PLEKHA5: variants seen among roughly 807,000 people sequenced by gnomAD.
The protein encoded by PLEKHA5 is pleckstrin homology domain containing A5.
In PLEKHA5, 55 loss-of-function variants were observed where a neutral mutation model predicts 181.9. That is an observed-to-expected ratio of 0.30 (90% confidence interval 0.24 to 0.38). PLEKHA5 has a LOEUF of 0.38. Ranked by LOEUF, PLEKHA5 falls within the 10% of genes least tolerant of loss-of-function variation. The probability of loss-of-function intolerance (pLI) is 1.00; values close to 1 mark genes in which losing one functional copy is unlikely to be tolerated. For missense variants in PLEKHA5, 1,432 were observed against 1,549.5 expected, an observed-to-expected ratio of 0.92 and a Z score of 1.27; for synonymous variants, 535 against 529.4, an observed-to-expected ratio of 1.01 and a Z score of -0.15.
At chr12:19,316,317 T>C (rs1439041381) in intron 16 of PLEKHA5, among the ~76,000 whole-genome samples, 8 of 152,086 alleles carry the variant, frequency 5.3e-5, no homozygotes, top group Non-Finnish European at 1.0e-4. Flanking sequence ...TTTATAATGC[T>C]CAACATTCAT....
chr12:19,265,419 A>G (rs1019198240), intron 7 of PLEKHA5, among the ~76,000 whole-genome samples: 3 of 152,220 alleles, frequency 2.0e-5, no homozygotes, highest in Non-Finnish European at 4.4e-5. Context: ...TGAAGGATGT[A>G]ACCAAGAAAG....
chr12:19,230,861 A>G (rs1309488285), intron 3 of PLEKHA5, among the ~76,000 whole-genome samples: 1 of 152,206 alleles, frequency 6.6e-6, no homozygotes, highest in Non-Finnish European at 1.5e-5. Flanking sequence ...CGCCGAGGCC[A>G]AGGAGGCGCT....
At chr12:19,354,215 G>A (rs1210996685) in intron 26 of PLEKHA5, among the ~76,000 whole-genome samples, 6 of 127,608 alleles carry the variant, frequency 4.7e-5, no homozygotes, top group Admixed American at 1.0e-4. Context: ...GCTGTGGCGC[G>A]ATCTCGGCTC....
chr12:19,244,122 A>C (rs564766510), intron 3 of PLEKHA5, among the ~76,000 whole-genome samples: 1 of 152,294 alleles, frequency 6.6e-6, no homozygotes, highest in African/African-American at 2.4e-5. Flanking sequence ...TTAATAACTA[A>C]ATGGCTGCTA....
intron 15 of PLEKHA5, among the ~76,000 whole-genome samples, chr12:19,300,384 T>G (rs1326093883): frequency 6.6e-6 from 1 of 152,178 alleles, no homozygotes; most frequent in African/African-American, 2.4e-5. Flanking sequence ...TATTCTAAAA[T>G]GCATAATAGT....
At chr12:19,306,490 C>G (rs765255339) in intron 15 of PLEKHA5, 5 of 699,022 alleles carry the variant, frequency 7.2e-6, no homozygotes, top group South Asian at 7.0e-5. Flanking sequence ...TCTTCCCCCT[C>G]CTTGCTGTGT....
intron 3 of PLEKHA5, among the ~76,000 whole-genome samples, chr12:19,253,481 T>C (rs573021094): frequency 1.3e-5 from 2 of 152,170 alleles, no homozygotes; most frequent in African/African-American, 4.8e-5. Flanking sequence ...TACACACATA[T>C]ACACTCTCAA....
At chr12:19,209,424 T>C (rs867076663) in intron 3 of PLEKHA5, among the ~76,000 whole-genome samples, 48 of 152,290 alleles carry the variant, frequency 3.2e-4, no homozygotes, top group Middle Eastern at 6.8e-3. Flanking sequence ...GACTGACAGT[T>C]AACAGCAGAA....
At chr12:19,161,670 C>G (rs189891840) in intron 3 of PLEKHA5, among the ~76,000 whole-genome samples, 1 of 152,160 alleles carries the variant, frequency 6.6e-6, no homozygotes, top group African/African-American at 2.4e-5. Flanking sequence ...AACCAAACGT[C>G]TATAGATTTA....
chr12:19,248,957 C>CT (rs1417188260), intron 3 of PLEKHA5, among the ~76,000 whole-genome samples: 39 of 152,110 alleles, frequency 2.6e-4, no homozygotes, highest in African/African-American at 8.9e-4. Context: ...TTTTCTACAG[C>CT]TTCTATTATA....
chr12:19,348,214 G>C (rs2094433381), intron 24 of PLEKHA5, among the ~76,000 whole-genome samples, 185 bp from the exon 25 acceptor site: 1 of 152,114 alleles, frequency 6.6e-6, no homozygotes, highest in African/African-American at 2.4e-5. Flanking sequence ...ACGAAGTTTT[G>C]CCACTTAAAA....
intron 13 of PLEKHA5, among the ~76,000 whole-genome samples, chr12:19,287,815 A>G (rs971347607): frequency 1.3e-5 from 2 of 152,290 alleles, no homozygotes; most frequent in African/African-American, 4.8e-5. Flanking sequence ...ACGGTGGCTC[A>G]TGCCTGTAAT....
chr12:19,247,743 C>G (rs977030940), intron 3 of PLEKHA5, among the ~76,000 whole-genome samples: 3 of 149,402 alleles, frequency 2.0e-5, no homozygotes, highest in African/African-American at 7.4e-5. Flanking sequence ...TCCTTGGTAT[C>G]TTTTCTTTTT....
intron 6 of PLEKHA5, among the ~76,000 whole-genome samples, chr12:19,258,701 A>G (rs1343636496): frequency 2.0e-5 from 3 of 151,696 alleles, no homozygotes; most frequent in Non-Finnish European, 4.4e-5. Flanking sequence ...AGTAGCTGGG[A>G]TTACTGGCAT....
At chr12:19,171,525 G>A (rs1049692263) in intron 3 of PLEKHA5, among the ~76,000 whole-genome samples, 2 of 152,088 alleles carry the variant, frequency 1.3e-5, no homozygotes. Context: ...CTGGGGTGCA[G>A]TGGCGGTACC....
intron 3 of PLEKHA5, chr12:19,150,495 T>C (rs2151292384): frequency 6.6e-6 from 1 of 152,342 alleles, no homozygotes; most frequent in Non-Finnish European, 1.5e-5. Context: ...TCTTATTCAC[T>C]TACGTGTTTT....
At chr12:19,322,482 G>A (rs773745623) in intron 19 of PLEKHA5, 36 bp from the exon 20 acceptor site, 5 of 1,605,542 alleles carry the variant, frequency 3.1e-6, no homozygotes, top group Admixed American at 3.3e-5. Context: ...ATACAATGAT[G>A]CAGAACATTA....
At chr12:19,136,379 G>C (rs1032383129) in intron 3 of PLEKHA5, among the ~76,000 whole-genome samples, 2 of 152,272 alleles carry the variant, frequency 1.3e-5, no homozygotes, top group East Asian at 1.9e-4. Flanking sequence ...TATGAAGAAT[G>C]CTGAAAATAA....
At chr12:19,338,153 C>G (rs2093602938) in intron 21 of PLEKHA5, among the ~76,000 whole-genome samples, 1 of 152,082 alleles carries the variant, frequency 6.6e-6, no homozygotes, top group Non-Finnish European at 1.5e-5. Flanking sequence ...ACTATTGTGA[C>G]TACACAATTA....
Sources: gnomAD v4.1 joint callset for allele counts (sites outside exome capture counted in the v4.1 genomes callset) on GRCh38, gnomAD v4.1.1 for gene constraint, MANE v1.5 for transcripts, NCBI Gene and HGNC (gene_info 2026-07-23, HGNC 2026-07-21) for gene names.